Variants in SH3BP2 observed in about 807,000 individuals in gnomAD.
SH3BP2 encodes SH3 domain-binding protein 2.
SH3BP2 carries 38 observed loss-of-function variants against 56.2 expected under a neutral mutation model. That is an observed-to-expected ratio of 0.68 (90% CI 0.52 to 0.89). The LOEUF is 0.89. SH3BP2 is among the 40% of genes least tolerant of loss of function. The pLI is 0.00. For missense variants in SH3BP2, 748 were observed against 762.6 expected (o/e 0.98, Z 0.23); for synonymous variants, 346 against 316.7 (o/e 1.09, Z -0.98).
rs1356554271 is a variant in SH3BP2 at position 2,810,546 on chromosome 4, C to T, written c.-4-10068C>T. 6.6e-6 allele frequency among the ~76,000 whole-genome samples: 1 copy of T among 152,002 alleles called. No homozygotes were observed. The highest frequency in any genetic ancestry group is 1.5e-5 in the Non-Finnish European group (1 of 67,990). ...GTGTTCCTGAGAGCGCCGGCTGCCT[C>T]TGGGTTCTTATCTTCATGGGTTGTC... On this transcript the variant is annotated intron_variant, in intron 1 of 12. Coordinates refer to ENST00000503393, the MANE Select transcript of SH3BP2 (RefSeq NM_001122681.2). This position sits in a 1 kb window ranked among gnomAD's most constrained non-coding sequence, Gnocchi z 4.2.
intron 1 of SH3BP2, chr4:2,812,123 A>C (rs1294319761): frequency 1.5e-6 from 2 of 1,317,802 alleles, no homozygotes; most frequent in East Asian, 5.8e-5. Context: ...GAGCAGTGGA[A>C]GGTAGGAGTT....
intron 1 of SH3BP2, among the ~76,000 whole-genome samples, chr4:2,815,843 C>T (rs1266538050): frequency 6.6e-6 from 1 of 152,146 alleles, no homozygotes; most frequent in Non-Finnish European, 1.5e-5. Flanking sequence ...AGACAATGAC[C>T]AACTAGTGTG....
intron 1 of SH3BP2, among the ~76,000 whole-genome samples, chr4:2,800,242 A>G (rs900485985): frequency 4.6e-5 from 7 of 152,126 alleles, no homozygotes; most frequent in African/African-American, 1.7e-4. Flanking sequence ...TCCCCGGCTC[A>G]GTCTCCCTCC....
chr4:2,793,440 C>T (rs1722962929), intron 1 of SH3BP2, among the ~76,000 whole-genome samples: 2 of 150,618 alleles, frequency 1.3e-5, no homozygotes, highest in South Asian at 2.1e-4. Context: ...GGCCCCGGGG[C>T]CTCCGTGTCC....
intron 1 of SH3BP2, among the ~76,000 whole-genome samples, chr4:2,806,836 G>C (rs1371345007): frequency 6.6e-6 from 1 of 152,254 alleles, no homozygotes; most frequent in African/African-American, 2.4e-5. Flanking sequence ...GCCCAGTGGG[G>C]CATCCGGAGA....
intron 7 of SH3BP2, among the ~76,000 whole-genome samples, chr4:2,828,587 C>T (rs191226177): frequency 3.3e-5 from 5 of 152,360 alleles, no homozygotes; most frequent in East Asian, 3.9e-4. Flanking sequence ...TACTGCCTTC[C>T]GTCTTAGCCT....
chr4:2,793,659 C>G (rs1485730429), intron 1 of SH3BP2: 1 of 152,094 alleles, frequency 6.6e-6, no homozygotes, highest in Admixed American at 6.5e-5. Context: ...GGCGGGCACT[C>G]GCTCTCCGCC....
chr4:2,824,983 C>A, intron 4 of SH3BP2, 143 bp from the exon 5 acceptor site: 1 of 790,622 alleles, frequency 1.3e-6, no homozygotes, highest in Admixed American at 2.0e-5. Flanking sequence ...CTGAGGGGAG[C>A]CACACAGCCA....
At chr4:2,824,479 C>T in intron 3 of SH3BP2, 134 bp from the exon 4 acceptor site, 1 of 629,174 alleles carries the variant, frequency 1.6e-6, no homozygotes, top group East Asian at 2.7e-5. Flanking sequence ...GCATCAGCAG[C>T]CAGGGCCCAC....
chr4:2,798,271 G>A (rs572403732), intron 1 of SH3BP2, among the ~76,000 whole-genome samples: 38 of 152,350 alleles, frequency 2.5e-4, no homozygotes, highest in Admixed American at 2.2e-3. Context: ...CTTCCTAAAC[G>A]TGTGTTGGCT....
intron 1 of SH3BP2, chr4:2,812,198 A>G: frequency 6.8e-7 from 1 of 1,469,966 alleles, no homozygotes; most frequent in Non-Finnish European, 9.0e-7. Flanking sequence ...CTCACAGGGT[A>G]GAAGGCAGGA....
intron 1 of SH3BP2, among the ~76,000 whole-genome samples, chr4:2,801,056 T>C (rs1435115484): frequency 8.1e-6 from 1 of 124,012 alleles, no homozygotes; most frequent in Non-Finnish European, 1.9e-5. Flanking sequence ...AGTTGCATGG[T>C]TGGGGGCGGA....
intron 1 of SH3BP2, among the ~76,000 whole-genome samples, chr4:2,806,725 C>T (rs548460652): frequency 1.5e-4 from 23 of 152,366 alleles, no homozygotes; most frequent in African/African-American, 5.5e-4. Context: ...CCGCCTAGGG[C>T]AACCCTCTTC....
rs1725314021 is a variant in SH3BP2 at position 2,838,640 on chromosome 4, G to GT, written c.*4806_*4807insT. On this transcript the variant is annotated 3_prime_UTR_variant, in exon 13 of 13. Coordinates refer to ENST00000503393, the MANE Select transcript of SH3BP2 (RefSeq NM_001122681.2). Reference sequence around the variant, plus strand: ...AAACATTATAAAGATTTTTGTTTGCGATTTTTTTTTTTAGCTCATCAGCTA... The same window carrying GT: ...AAACATTATAAAGATTTTTGTTTGCGTATTTTTTTTTTTAGCTCATCAGCTA... The GT allele has an allele frequency of 9.5e-6, 1 of 105,450 alleles. No homozygotes were observed. Among genetic ancestry groups the GT allele is most frequent in the South Asian group, 3.3e-4 (1 of 3,042 alleles). 6.5% of individuals were successfully genotyped at this position (105,450 alleles called of 1,614,324 possible). A position where few individuals can be genotyped will look rare whatever the true frequency, so the allele number is the denominator to read the frequency against.
chr4:2,795,411 C>T lies in SH3BP2; in HGVS notation c.-5+2273C>T, dbSNP rs369939122. ...AGGCTCTGCCCTCCTCACTCTCTGT[C>T]CTCTCTTGACCTCATGATCTGCCCA... On this transcript the variant is annotated intron_variant, in intron 1 of 12. Coordinates refer to ENST00000503393, the MANE Select transcript of SH3BP2 (RefSeq NM_001122681.2). 8.6e-5 allele frequency among the ~76,000 whole-genome samples: 13 copies of T among 151,316 alleles called. No individual in the cohort carries two copies. The East Asian group carries it at 1.9e-3, about 22-fold the overall frequency.
In SH3BP2 at chr4:2,810,500, GC is replaced by G. The variant is rs1723702108; in HGVS notation, c.-4-10112del. The stretch of plus-strand genomic sequence containing the variant: ...TCAGGCCTTGTCCGCTCTTGCATTT[GC>G]CTGCCCAGTAAGGGGTGGCGTGTTC... On this transcript the variant is annotated intron_variant, in intron 1 of 12. Coordinates refer to ENST00000503393, the MANE Select transcript of SH3BP2 (RefSeq NM_001122681.2). The surrounding 1 kb of genome is among the most constrained non-coding windows in gnomAD (Gnocchi z 4.2). 6.6e-6 allele frequency among the ~76,000 whole-genome samples: 1 copy of G among 151,836 alleles called. No individual in the cohort carries two copies. Among genetic ancestry groups the G allele is most frequent in the Non-Finnish European group, 1.5e-5 (1 of 67,950 alleles).
Position 2,829,970 on chromosome 4 carries a change from A to T in SH3BP2, c.1064A>T (p.Asn355Ile). 1 of 1,613,158 alleles carries T rather than the reference A, an allele frequency of 6.2e-7. No homozygotes were observed. Among genetic ancestry groups the T allele is most frequent in the Non-Finnish European group, 8.5e-7 (1 of 1,179,906 alleles). ...TCTGAGCCCCCACCTGTGCCAGCCA[A>T]CAAGCCCAAGTTCCTGAAGATAGCT... ...PTSEPPPVPA[N>I]KPKFLKIAEE... is the part of the protein sequence containing the mutation. The change falls in exon 8 of 13, where the codon AAC becomes ATC. Residue 355 changes from asparagine to isoleucine, a missense_variant. Asn to Ile is a moderately radical substitution (Grantham distance 149). Transcript: ENST00000503393. The surrounding 1 kb of genome is among the most constrained non-coding windows in gnomAD (Gnocchi z 4.9).
intron 1 of SH3BP2, among the ~76,000 whole-genome samples, chr4:2,796,954 A>G (rs1389962900): frequency 6.6e-6 from 1 of 152,240 alleles, no homozygotes; most frequent in Non-Finnish European, 1.5e-5. Flanking sequence ...TGAGGGCTTC[A>G]GCGTCCTCCT....
rs1449962815 is a variant in SH3BP2, at chr4:2,833,678, C to T, written c.1549-19C>T. ...AGTGGCCTGGCCCTGCTGACGCTCC[C>T]CCTTCTCTTCCCCCACAGGACTCTA... On this transcript the variant is annotated intron_variant, in intron 12 of 12. Transcript: ENST00000503393. The T allele has an allele frequency of 6.2e-7, 1 of 1,607,302 alleles. No homozygotes were observed. Among genetic ancestry groups the T allele is most frequent in the African/African-American group, 1.3e-5 (1 of 74,846 alleles).
Sources: gnomAD v4.1 joint callset for allele counts (sites outside exome capture counted in the v4.1 genomes callset) on GRCh38, gnomAD v4.1.1 for gene constraint, Gnocchi (gnomAD v3.1) non-coding constraint, MANE v1.5 for transcripts, NCBI Gene and HGNC (gene_info 2026-07-23, HGNC 2026-07-21) for gene names.